The following CCDC148 variants were observed in gnomAD, a reference collection of about 807,000 sequenced individuals.
The protein encoded by CCDC148 is coiled-coil domain containing 148, also known as coiled-coil domain-containing protein 148.
A neutral mutation model predicts 85.7 loss-of-function variants in CCDC148; 89 were observed. That is an observed-to-expected ratio of 1.04 (90% CI 0.87 to 1.24). CCDC148 has a LOEUF of 1.24. CCDC148 is among the 50% of genes most tolerant of loss of function. CCDC148 has a pLI of 0.00. For missense variants in CCDC148, 692 were observed against 671.7 expected (o/e 1.03, Z -0.33); for synonymous variants, 230 against 213.9 (o/e 1.08, Z -0.66).
intron 2 of CCDC148, among the ~76,000 whole-genome samples, chr2:158,348,712 A>G (rs1473066877): frequency 1.3e-5 from 2 of 152,138 alleles, no homozygotes; most frequent in East Asian, 3.9e-4. Context: ...GTAGCAGTAT[A>G]GAGGAAACAA....
intron 12 of CCDC148, chr2:158,178,029 A>G (rs1345715255): frequency 2.0e-5 from 3 of 152,150 alleles, no homozygotes; most frequent in East Asian, 1.9e-4. Context: ...TTGCAAACCT[A>G]TCAGACAGAT....
chr2:158,238,006 G>A (rs1559008373), intron 10 of CCDC148, among the ~76,000 whole-genome samples: 1 of 152,092 alleles, frequency 6.6e-6, no homozygotes, highest in Non-Finnish European at 1.5e-5. Context: ...ATTGAAATAC[G>A]GAGGTAAGCA....
At chr2:158,262,165 C>T (rs6437161) in intron 9 of CCDC148, among the ~76,000 whole-genome samples, 7 of 151,954 alleles carry the variant, frequency 4.6e-5, no homozygotes, top group East Asian at 3.9e-4. Context: ...TATACACCAT[C>T]GAATACTATG....
At chr2:158,284,574 A>T (rs1574546462) in intron 9 of CCDC148, among the ~76,000 whole-genome samples, 1 of 152,156 alleles carries the variant, frequency 6.6e-6, no homozygotes, top group Non-Finnish European at 1.5e-5. Context: ...TCTGAGTGAA[A>T]AACTGCAGCA....
At chr2:158,176,259 T>A (rs558778264) in intron 13 of CCDC148, among the ~76,000 whole-genome samples, 1 of 152,064 alleles carries the variant, frequency 6.6e-6, no homozygotes, top group South Asian at 2.1e-4. Context: ...AAAGCATTTT[T>A]AAAAAAATTT....
At chr2:158,372,020 C>G (rs997548405) in intron 1 of CCDC148, among the ~76,000 whole-genome samples, 2 of 151,856 alleles carry the variant, frequency 1.3e-5, no homozygotes, top group Non-Finnish European at 2.9e-5. Context: ...CTGGGGAACA[C>G]AGTCCGGGAG....
In CCDC148 at chr2:158,456,742, A is replaced by G; in HGVS notation, c.-303T>C. 2.4e-6 allele frequency: 1 copy of G among 411,662 alleles called. No individual in the cohort carries two copies. Among genetic ancestry groups the G allele is most frequent in the Non-Finnish European group, 4.4e-6 (1 of 226,952 alleles). 25.5% of individuals were successfully genotyped at this position (411,662 alleles called of 1,614,324 possible). A position where few individuals can be genotyped will look rare whatever the true frequency, so the allele number is the denominator to read the frequency against. ...TCCAGGCCCTCTCGCGCTGAACAGC[A>G]TCGGTCTCTATGGCGACCTGAAACC... On this transcript the variant is annotated 5_prime_UTR_variant, in exon 1 of 14. It removes an upstream start codon present in the reference 5' UTR. Coordinates refer to ENST00000283233, the MANE Select transcript of CCDC148 (RefSeq NM_138803.4).
At chr2:158,328,783 C>T (rs1428102765) in intron 7 of CCDC148, among the ~76,000 whole-genome samples, 1 of 152,180 alleles carries the variant, frequency 6.6e-6, no homozygotes, top group African/African-American at 2.4e-5. Flanking sequence ...AGCATTTTTT[C>T]ATGTGTCTGC....
intron 1 of CCDC148, among the ~76,000 whole-genome samples, chr2:158,407,681 T>C (rs1686084695): frequency 6.6e-6 from 1 of 152,128 alleles, no homozygotes; most frequent in African/African-American, 2.4e-5. Context: ...AAATTAAAAA[T>C]AATGTGGGTC....
At chr2:158,384,662 C>T (rs900390081) in intron 1 of CCDC148, among the ~76,000 whole-genome samples, 1 of 152,114 alleles carries the variant, frequency 6.6e-6, no homozygotes, top group African/African-American at 2.4e-5. Flanking sequence ...TTATAAATTA[C>T]CCACTCTCAA....
intron 11 of CCDC148, among the ~76,000 whole-genome samples, chr2:158,217,886 G>T (rs942570149): frequency 1.3e-5 from 2 of 152,050 alleles, no homozygotes; most frequent in Non-Finnish European, 1.5e-5. Flanking sequence ...CAAACATAAG[G>T]TTTATGAATT....
At chr2:158,383,137 T>A (rs1028925701) in intron 1 of CCDC148, among the ~76,000 whole-genome samples, 7 of 150,934 alleles carry the variant, frequency 4.6e-5, no homozygotes, top group Non-Finnish European at 8.9e-5. Flanking sequence ...CTGTCTCTAC[T>A]AAAAATAAAA....
At chr2:158,199,402 C>T (rs1320589855) in intron 11 of CCDC148, among the ~76,000 whole-genome samples, 1 of 151,914 alleles carries the variant, frequency 6.6e-6, no homozygotes, top group Admixed American at 6.6e-5. Flanking sequence ...CCGCCACCAC[C>T]CCTGGCTAAT....
At chr2:158,225,636 T>G (rs1479680635) in intron 10 of CCDC148, among the ~76,000 whole-genome samples, 11 of 152,164 alleles carry the variant, frequency 7.2e-5, no homozygotes, top group Non-Finnish European at 1.5e-4. Context: ...AAACTAGAAC[T>G]CGGGATTAAG....
At chr2:158,249,037 T>C (rs887429134) in intron 10 of CCDC148, among the ~76,000 whole-genome samples, 4 of 152,160 alleles carry the variant, frequency 2.6e-5, no homozygotes, top group African/African-American at 9.6e-5. Flanking sequence ...AAACTAGTGA[T>C]GTCCCTCCAT....
chr2:158,248,939 G>A lies in CCDC148; in HGVS notation c.1251+1833C>T, dbSNP rs1416260765. On this transcript the variant is annotated intron_variant, in intron 10 of 13. Transcript: ENST00000283233. Reference sequence around the variant, plus strand: ...GTTCAGTTCTTGTTACAGTGTTTATGAGGCAATTGTCAGCCCCATCTGCAG... The same window carrying A: ...GTTCAGTTCTTGTTACAGTGTTTATAAGGCAATTGTCAGCCCCATCTGCAG... Among the ~76,000 whole-genome samples the A allele has an allele frequency of 3.9e-5, 6 of 152,016 alleles. No individual in the cohort carries two copies. The East Asian group carries it at 1.2e-3, about 29-fold the overall frequency.
chr2:158,376,851 T>C (rs1305843448), intron 1 of CCDC148, among the ~76,000 whole-genome samples: 2 of 151,094 alleles, frequency 1.3e-5, no homozygotes, highest in South Asian at 2.1e-4. Context: ...GTGGGTAGAG[T>C]TTTTACTGCA....
At chr2:158,450,146 C>A (rs1688346216) in intron 1 of CCDC148, among the ~76,000 whole-genome samples, 1 of 152,052 alleles carries the variant, frequency 6.6e-6, no homozygotes, top group South Asian at 2.1e-4. Context: ...ATGTAAAGGG[C>A]CAGGCATCAC....
rs567517731 is a variant in CCDC148, at chr2:158,256,940, A to G, written c.1111-6028T>C. On this transcript the variant is annotated intron_variant, in intron 9 of 13. Coordinates refer to ENST00000283233, the MANE Select transcript of CCDC148 (RefSeq NM_138803.4). ...TAAGGGCAGGGACCAGATCTGTCTT[A>G]TTCATAGGCTGTCTCCAAAGATTAG... 2.0e-5 allele frequency among the ~76,000 whole-genome samples: 3 copies of G among 151,914 alleles called. No homozygotes were observed. The East Asian group carries it at 5.8e-4, about 29-fold the overall frequency.
Sources: allele counts gnomAD v4.1 joint callset (sites outside exome capture counted in the v4.1 genomes callset), GRCh38; gene constraint gnomAD v4.1.1; transcripts MANE v1.5; gene names NCBI Gene and HGNC (gene_info 2026-07-23, HGNC 2026-07-21).